The following CFAP54 variants were observed in gnomAD, a reference collection of about 807,000 sequenced individuals.
CFAP54 encodes the protein cilia and flagella associated protein 54.
A neutral mutation model predicts 370.4 loss-of-function variants in CFAP54; 290 were observed. That is an observed-to-expected ratio of 0.78 (90% CI 0.71 to 0.86). CFAP54 has a LOEUF of 0.86. Among genes scored for constraint, CFAP54 ranks in the 40% least tolerant of loss-of-function variants. CFAP54 has a pLI of 0.00. For synonymous variants in CFAP54, 1,206 were observed against 1,236.5 expected, an observed-to-expected ratio of 0.98 and a Z score of 0.52; for missense variants, 3,399 against 3,528.7, an observed-to-expected ratio of 0.96 and a Z score of 0.93.
chr12:96,494,144 A>G (rs1335985352), intron 1 of CFAP54, among the ~76,000 whole-genome samples: 1 of 152,168 alleles, frequency 6.6e-6, no homozygotes, highest in Non-Finnish European at 1.5e-5. Context: ...CCTACTTCGG[A>G]GGAATGGACA....
intron 67 of CFAP54, among the ~76,000 whole-genome samples, chr12:96,864,205 A>G (rs544536013): frequency 1.3e-5 from 2 of 152,272 alleles, no homozygotes; most frequent in East Asian, 1.9e-4. Flanking sequence ...AATGTTTTCT[A>G]TTTGTTTTAA....
chr12:96,715,790 T>C (rs1957671262), intron 48 of CFAP54, among the ~76,000 whole-genome samples: 1 of 152,208 alleles, frequency 6.6e-6, no homozygotes, highest in Non-Finnish European at 1.5e-5. Flanking sequence ...TTAATTTTAA[T>C]GTAATTTATA....
intron 9 of CFAP54, among the ~76,000 whole-genome samples, chr12:96,528,220 T>C (rs1259290587): frequency 6.6e-6 from 1 of 151,242 alleles, no homozygotes; most frequent in Non-Finnish European, 1.5e-5. Flanking sequence ...GTATTCCTGG[T>C]TTGCTAAGTG....
intron 30 of CFAP54, among the ~76,000 whole-genome samples, chr12:96,629,313 A>T (rs376643878): frequency 1.2e-4 from 18 of 151,368 alleles, no homozygotes; most frequent in East Asian, 1.2e-3. Flanking sequence ...TTTTATTATT[A>T]TTTTTTTTGA....
chr12:96,529,466 A>C (rs1955417528), intron 9 of CFAP54, among the ~76,000 whole-genome samples: 1 of 152,098 alleles, frequency 6.6e-6, no homozygotes, highest in African/African-American at 2.4e-5. Flanking sequence ...TAGTTTGCAC[A>C]CCCATCAACA....
intron 5 of CFAP54, among the ~76,000 whole-genome samples, chr12:96,515,692 T>C (rs1024286947): frequency 6.6e-6 from 1 of 152,088 alleles, no homozygotes; most frequent in Non-Finnish European, 1.5e-5. Flanking sequence ...ACTCCCGTTT[T>C]TATAGGATCT....
At chr12:96,565,549 A>T (rs772559294) in intron 19 of CFAP54, among the ~76,000 whole-genome samples, 13 of 152,172 alleles carry the variant, frequency 8.5e-5, no homozygotes, top group Non-Finnish European at 1.5e-4. Flanking sequence ...ATGGAGCTAA[A>T]GGGGTTTAAT....
intron 8 of CFAP54, among the ~76,000 whole-genome samples, chr12:96,526,348 G>C (rs1955380887): frequency 6.6e-6 from 1 of 152,168 alleles, no homozygotes; most frequent in Non-Finnish European, 1.5e-5. Context: ...CCCACAGCAG[G>C]TTCTAAACAG....
intron 66 of CFAP54, among the ~76,000 whole-genome samples, chr12:96,848,801 C>G (rs12579206): frequency 0.011 from 1,703 of 152,270 alleles, 78 homozygotes; most frequent in East Asian, 0.11. Flanking sequence ...TTTATTAACA[C>G]AAAAGTTAGG....
intron 9 of CFAP54, among the ~76,000 whole-genome samples, chr12:96,529,154 A>G (rs1955414074): frequency 6.6e-6 from 1 of 152,178 alleles, no homozygotes; most frequent in South Asian, 2.1e-4. Flanking sequence ...ATTTGTTAAG[A>G]TAGGCTTTAT....
rs1211858315 is a variant in CFAP54, at chr12:96,504,941, CTTTCTT to C, written c.567+914_567+919del. Among the ~76,000 whole-genome samples, 8 of 145,770 alleles carry C rather than the reference CTTTCTT, an allele frequency of 5.5e-5. No homozygotes were observed. The East Asian group carries it at 1.1e-3, about 20-fold the overall frequency. ...CCAGAATTTATTTTTCTTTCTTCCT[CTTTCTT>C]TCTTTTTCTTTCTTTCTTTCTTTCT... On this transcript the variant is annotated intron_variant, in intron 3 of 67. Coordinates refer to ENST00000524981, the MANE Select transcript of CFAP54 (RefSeq NM_001306084.2).
At chr12:96,830,643 T>G (rs1228854578) in intron 66 of CFAP54, among the ~76,000 whole-genome samples, 1 of 152,084 alleles carries the variant, frequency 6.6e-6, no homozygotes, top group African/African-American at 2.4e-5. Flanking sequence ...GAGAGGACCA[T>G]TTACCCACAT....
Position 96,576,613 on chromosome 12 carries a change from AAG to A in CFAP54, c.2649_2650del (p.Glu883AspfsTer2), listed in dbSNP as rs1292136527. The A allele has an allele frequency of 6.5e-7, 1 of 1,534,076 alleles. No individual in the cohort carries two copies. Among genetic ancestry groups the A allele is most frequent in the East Asian group, 2.4e-5 (1 of 40,896 alleles). On this transcript the variant is annotated frameshift_variant, in exon 20 of 68. Transcript: ENST00000524981. LOFTEE classifies it high-confidence loss of function. ...GCATATTCCTTAATTCAGAGGATTG[AAG>A]CTGAACAAAATGCCCTATATTCCTA... is the stretch of plus-strand genomic sequence containing the variant.
chr12:96,727,816 G>T (rs1324024281), intron 50 of CFAP54, among the ~76,000 whole-genome samples: 8 of 151,442 alleles, frequency 5.3e-5, no homozygotes, highest in Non-Finnish European at 1.2e-4. Context: ...GGCTGGTACC[G>T]GTTGTTCCTT....
intron 26 of CFAP54, among the ~76,000 whole-genome samples, chr12:96,617,346 T>C (rs1956431030): frequency 6.6e-6 from 1 of 152,158 alleles, no homozygotes; most frequent in Admixed American, 6.5e-5. Flanking sequence ...TAGAAATAGA[T>C]GCCACCACCA....
chr12:96,719,941 T>A (rs1267928137), intron 49 of CFAP54, among the ~76,000 whole-genome samples: 1 of 152,208 alleles, frequency 6.6e-6, no homozygotes, highest in Non-Finnish European at 1.5e-5. Context: ...GAGTTCAAGG[T>A]TAGCAAATTA....
intron 60 of CFAP54, among the ~76,000 whole-genome samples, chr12:96,784,055 G>A (rs532268134): frequency 6.6e-6 from 1 of 152,238 alleles, no homozygotes; most frequent in South Asian, 2.1e-4. Context: ...ACTTTAAATG[G>A]CTTCAAATGA....
At chr12:96,835,547 T>C (rs1005305096) in intron 66 of CFAP54, among the ~76,000 whole-genome samples, 16 of 152,226 alleles carry the variant, frequency 1.1e-4, no homozygotes, top group Non-Finnish European at 2.1e-4. Flanking sequence ...CTGCCATTCA[T>C]TACATGCAGG....
chr12:96,507,029 C>A lies in CFAP54; in HGVS notation c.669C>A (p.Ile223=). Residue 223 remains isoleucine, a synonymous_variant, in exon 4 of 68, where the codon ATC becomes ATA. Coordinates refer to ENST00000524981, the MANE Select transcript of CFAP54 (RefSeq NM_001306084.2). ...NKESVVQCLH[I]LSSLRLIMQV... ...AATCTGTGGTCCAGTGTCTGCATAT[C>A]TTGTCCTCCTTAAGGCTCATCATGC... The A allele has an allele frequency of 1.3e-6, 2 of 1,536,034 alleles. No homozygotes were observed. The highest frequency in any genetic ancestry group is 8.7e-7 in the Non-Finnish European group (1 of 1,146,796).
Sources: gnomAD v4.1 joint callset for allele counts (sites outside exome capture counted in the v4.1 genomes callset) on GRCh38, gnomAD v4.1.1 for gene constraint, MANE v1.5 for transcripts, NCBI Gene and HGNC (gene_info 2026-07-23, HGNC 2026-07-21) for gene names.